Variants in GRIK2 observed in about 807,000 individuals in gnomAD.
The protein encoded by GRIK2 is glutamate receptor ionotropic, kainate 2.
GRIK2 carries 32 observed loss-of-function variants against 100.3 expected under a neutral mutation model. The ratio of observed to expected loss-of-function variants is 0.32; its 90% CI spans 0.24 to 0.43. The LOEUF (loss-of-function observed/expected upper bound fraction) is 0.43, where lower values mean the gene tolerates loss of function less well. Ranked by LOEUF, GRIK2 falls within the 20% of genes least tolerant of loss-of-function variation. GRIK2 has a pLI of 1.00. For synonymous variants in GRIK2, 417 were observed against 389.4 expected, an observed-to-expected ratio of 1.07 and a Z score of -0.83; for missense variants, 843 against 1,114.9, an observed-to-expected ratio of 0.76 and a Z score of 3.47.
intron 2 of GRIK2, among the ~76,000 whole-genome samples, chr6:101,400,700 C>G (rs1156738965): frequency 6.6e-6 from 1 of 152,168 alleles, no homozygotes; most frequent in African/African-American, 2.4e-5. Context: ...ATAAAATTCA[C>G]CATCTCTCCT....
At chr6:101,609,886 A>G (rs538693797) in intron 2 of GRIK2, among the ~76,000 whole-genome samples, 2 of 151,930 alleles carry the variant, frequency 1.3e-5, no homozygotes, top group African/African-American at 4.8e-5. Flanking sequence ...GAATAGATAG[A>G]TATTTATAGA....
chr6:101,807,113 C>T (rs1400151921), intron 9 of GRIK2, among the ~76,000 whole-genome samples: 1 of 151,890 alleles, frequency 6.6e-6, no homozygotes, highest in Non-Finnish European at 1.5e-5. Flanking sequence ...GTGTCTGATG[C>T]AGAGTTATTT....
chr6:101,543,686 C>T (rs1330049135), intron 2 of GRIK2, among the ~76,000 whole-genome samples: 2 of 152,172 alleles, frequency 1.3e-5, no homozygotes, highest in East Asian at 1.9e-4. Flanking sequence ...TTCAGTCTCT[C>T]TGTGACTGGG....
At chr6:101,762,690 G>T (rs1196379891) in intron 7 of GRIK2, among the ~76,000 whole-genome samples, 2 of 152,150 alleles carry the variant, frequency 1.3e-5, no homozygotes, top group Non-Finnish European at 2.9e-5. Context: ...GTCTAAAATG[G>T]TGTCATTAAG....
At chr6:101,776,980 T>C (rs1203742680) in intron 7 of GRIK2, among the ~76,000 whole-genome samples, 3 of 152,214 alleles carry the variant, frequency 2.0e-5, no homozygotes, top group Non-Finnish European at 4.4e-5. Context: ...ATTACCGCTC[T>C]TCTGGTGATC....
rs750641728 is a variant in GRIK2 at position 101,478,021 on chromosome 6, G to A, written c.115+78629G>A. 7.2e-4 allele frequency among the ~76,000 whole-genome samples: 109 copies of A among 152,202 alleles called. 2 individuals carry two copies. Among genetic ancestry groups the A allele is most frequent in the Non-Finnish European group, 4.0e-4 (27 of 68,016 alleles). On this transcript the variant is annotated intron_variant, in intron 2 of 16. Coordinates refer to ENST00000369134, the MANE Select transcript of GRIK2 (RefSeq NM_021956.5). ...AACTTAAGTTTAGATGGCTCAGTGA[G>A]TATCTTTGAGTTTTTATGAAAAGGC...
rs150013296 is a variant in GRIK2 at position 101,534,839 on chromosome 6, T to TTC, written c.116-87110_116-87109insTC. On this transcript the variant is annotated intron_variant, in intron 2 of 16. Coordinates refer to ENST00000369134, the MANE Select transcript of GRIK2 (RefSeq NM_021956.5). The stretch of plus-strand genomic sequence containing the variant: ...TTCACCATCATAATGACTTTTTTTT[T>TTC]CAAAGCTTTTGATTTTTCTTTCCTC... Among the ~76,000 whole-genome samples the TTC allele has an allele frequency of 6.1e-3, 922 of 151,936 alleles. 4 individuals carry two copies. The highest frequency in any genetic ancestry group is 0.019 in the African/African-American group (789 of 41,514).
At chr6:101,860,894 A>T (rs1784697222) in intron 11 of GRIK2, 1 of 833,328 alleles carries the variant, frequency 1.2e-6, no homozygotes, top group South Asian at 5.5e-5. Flanking sequence ...CTCAGATATT[A>T]GGAGAAAGTG....
At chr6:101,625,877 G>A (rs1356942432) in intron 3 of GRIK2, among the ~76,000 whole-genome samples, 1 of 152,146 alleles carries the variant, frequency 6.6e-6, no homozygotes, top group Non-Finnish European at 1.5e-5. Flanking sequence ...CAGGTTTTGT[G>A]TGGCTGAGTG....
At chr6:101,538,840 T>C (rs1775849198) in intron 2 of GRIK2, among the ~76,000 whole-genome samples, 1 of 151,754 alleles carries the variant, frequency 6.6e-6, no homozygotes, top group Non-Finnish European at 1.5e-5. Context: ...AAAATGTTGT[T>C]GCCTTGATGA....
At chr6:102,064,363 C>CTTTCT (rs1409683114) in intron 16 of GRIK2, among the ~76,000 whole-genome samples, 1 of 142,220 alleles carries the variant, frequency 7.0e-6, no homozygotes, top group South Asian at 2.2e-4. Context: ...TCCTTCCTTC[C>CTTTCT]TTCTTTCTTT....
chr6:101,421,188 A>G (rs923131646), intron 2 of GRIK2, among the ~76,000 whole-genome samples: 1 of 152,168 alleles, frequency 6.6e-6, no homozygotes. Flanking sequence ...TAGCTGGCCA[A>G]GTAGATACTG....
intron 2 of GRIK2, among the ~76,000 whole-genome samples, chr6:101,582,976 T>G (rs1165067829): frequency 6.6e-6 from 1 of 152,132 alleles, no homozygotes; most frequent in African/African-American, 2.4e-5. Flanking sequence ...CAGTACAGAT[T>G]ACTCAGATGA....
At chr6:101,519,864 A>G (rs1774784714) in intron 2 of GRIK2, among the ~76,000 whole-genome samples, 1 of 152,168 alleles carries the variant, frequency 6.6e-6, no homozygotes, top group Admixed American at 6.6e-5. Flanking sequence ...ATGGTTTCCA[A>G]CATGGGTAGG....
intron 14 of GRIK2, 24 bp from the exon 15 acceptor site, chr6:102,035,317 C>A: frequency 7.2e-7 from 1 of 1,396,572 alleles, no homozygotes; most frequent in Non-Finnish European, 1.0e-6. Context: ...TTTCTCGTGA[C>A]CAACTTATAT....
chr6:101,516,127 G>A (rs1030217979), intron 2 of GRIK2, among the ~76,000 whole-genome samples: 2 of 151,920 alleles, frequency 1.3e-5, no homozygotes, highest in African/African-American at 4.8e-5. Context: ...GCTCATGGAG[G>A]GATAGAATCA....
chr6:101,824,764 A>G (rs749384854), intron 10 of GRIK2, among the ~76,000 whole-genome samples: 2 of 152,020 alleles, frequency 1.3e-5, no homozygotes, highest in African/African-American at 2.4e-5. Context: ...CGTATTTTTT[A>G]TTTTCCCAGT....
At chr6:101,573,368 C>T (rs553926253) in intron 2 of GRIK2, among the ~76,000 whole-genome samples, 1 of 152,230 alleles carries the variant, frequency 6.6e-6, no homozygotes, top group African/African-American at 2.4e-5. Context: ...CCTTGAGCAA[C>T]CAGGAGGCAG....
At chr6:101,894,072 G>A (rs1787277854) in intron 12 of GRIK2, among the ~76,000 whole-genome samples, 1 of 151,336 alleles carries the variant, frequency 6.6e-6, no homozygotes. Flanking sequence ...GAAGCTTATT[G>A]AATATCTGCT....
Sources: allele counts gnomAD v4.1 joint callset (sites outside exome capture counted in the v4.1 genomes callset), GRCh38; gene constraint gnomAD v4.1.1; transcripts MANE v1.5; gene names NCBI Gene and HGNC (gene_info 2026-07-23, HGNC 2026-07-21).